Variants in BLTP1 observed in about 807,000 individuals in gnomAD.
The protein encoded by BLTP1 is bridge-like lipid transfer protein family member 1.
At chr4:122,227,116 A>C in the BLTP1 span, 1 of 721,294 alleles carries the variant, frequency 1.4e-6, no homozygotes, top group East Asian at 9.7e-5. Flanking sequence ...GCATTATTAT[A>C]CTTGTTGGGA....
At chr4:122,241,065 G>A in the BLTP1 span, among the ~76,000 whole-genome samples, 8 of 152,286 alleles carry the variant, frequency 5.3e-5, no homozygotes, top group South Asian at 1.7e-3. Flanking sequence ...AGTGAGAAGA[G>A]TCTATGATGA....
chr4:122,293,759 C>T, the BLTP1 span, among the ~76,000 whole-genome samples: 3 of 152,174 alleles, frequency 2.0e-5, no homozygotes, highest in African/African-American at 7.2e-5. Context: ...GGGCAACTCA[C>T]AAGTTAAGAA....
chr4:122,269,387 G>C, the BLTP1 span: 1 of 984,758 alleles, frequency 1.0e-6, no homozygotes, highest in South Asian at 4.7e-5. Context: ...AGTCTGTTTT[G>C]AGTGAGAGCT....
chr4:122,164,073 T>C, the BLTP1 span, among the ~76,000 whole-genome samples: 4 of 152,190 alleles, frequency 2.6e-5, no homozygotes, highest in African/African-American at 9.7e-5. Context: ...ATTTCTGAGT[T>C]TATGTGAAGG....
the BLTP1 span, chr4:122,161,279 G>A: frequency 2.5e-5 from 6 of 238,578 alleles, no homozygotes; most frequent in African/African-American, 1.2e-4. Flanking sequence ...TTTCATTTTT[G>A]TTCTATTTGG....
chr4:122,242,367 G>GT, the BLTP1 span, among the ~76,000 whole-genome samples: 2 of 152,272 alleles, frequency 1.3e-5, no homozygotes, highest in East Asian at 3.9e-4. Flanking sequence ...AGTGAAATAA[G>GT]TAAGGCACTA....
chr4:122,174,861 T>C, the BLTP1 span: 1 of 257,506 alleles, frequency 3.9e-6, no homozygotes, highest in Admixed American at 6.5e-5. Flanking sequence ...AATAGCTGTT[T>C]ATAGAAATGA....
the BLTP1 span, among the ~76,000 whole-genome samples, chr4:122,295,345 G>T: frequency 6.6e-6 from 1 of 152,032 alleles, no homozygotes; most frequent in African/African-American, 2.4e-5. Context: ...AAGAAAAAAA[G>T]TTAAGGGCAG....
At chr4:122,286,665 G>A in the BLTP1 span, 1 of 1,613,950 alleles carries the variant, frequency 6.2e-7, no homozygotes, top group East Asian at 2.2e-5. Flanking sequence ...CTGTTACCAT[G>A]TCAGGGAAAT....
the BLTP1 span, chr4:122,224,487 A>T: frequency 6.2e-7 from 1 of 1,607,682 alleles, no homozygotes. Context: ...TCTCATCATT[A>T]TTGTTTTCAG....
At chr4:122,280,078 A>G in the BLTP1 span, 1 of 1,581,510 alleles carries the variant, frequency 6.3e-7, no homozygotes, top group Non-Finnish European at 8.6e-7. Flanking sequence ...ATGAAGGGTT[A>G]CTTCTAAGTA....
chr4:122,197,285 A>G, the BLTP1 span: 4 of 1,449,036 alleles, frequency 2.8e-6, no homozygotes, highest in Non-Finnish European at 3.7e-6. Context: ...GTAAGCTGCA[A>G]CTGTTACTTT....
At chr4:122,227,077 A>AT in the BLTP1 span, 2 of 560,730 alleles carry the variant, frequency 3.6e-6, no homozygotes, top group Non-Finnish European at 5.0e-6. Context: ...TTTTGCTTAC[A>AT]TTTTTACTGT....
chr4:122,195,531 A>G, the BLTP1 span: 1 of 152,328 alleles, frequency 6.6e-6, no homozygotes, highest in Non-Finnish European at 1.5e-5. Context: ...TAATGAACTC[A>G]TTAAACTTGT....
At chr4:122,247,119 T>G in the BLTP1 span, 1 of 1,578,074 alleles carries the variant, frequency 6.3e-7, no homozygotes, top group Non-Finnish European at 8.7e-7. Flanking sequence ...ACTGTATTAT[T>G]TAAATGTTAA....
At chr4:122,324,400 AC>A in the BLTP1 span, 3 of 1,602,728 alleles carry the variant, frequency 1.9e-6, no homozygotes, top group African/African-American at 1.3e-5. Context: ...ACCTATAGTC[AC>A]CCTTTTTTCT....
chr4:122,161,699 A>G, the BLTP1 span, among the ~76,000 whole-genome samples: 2 of 152,184 alleles, frequency 1.3e-5, no homozygotes, highest in African/African-American at 4.8e-5. Flanking sequence ...TGCTGGGATT[A>G]CAGGCGTGAG....
At chr4:122,354,802 G>T in the BLTP1 span, among the ~76,000 whole-genome samples, 1 of 151,738 alleles carries the variant, frequency 6.6e-6, no homozygotes, top group Non-Finnish European at 1.5e-5. Context: ...GAGTAGCTGG[G>T]ATTACAGGTG....
chr4:122,303,642 A>G, the BLTP1 span, among the ~76,000 whole-genome samples: 1 of 152,118 alleles, frequency 6.6e-6, no homozygotes, highest in African/African-American at 2.4e-5. Flanking sequence ...GTCGGTTCCA[A>G]CTCTCATGGA....
Sources: allele counts gnomAD v4.1 joint callset (sites outside exome capture counted in the v4.1 genomes callset), GRCh38; gene constraint gnomAD v4.1.1; transcripts MANE v1.5; gene names NCBI Gene and HGNC (gene_info 2026-07-23, HGNC 2026-07-21).